The following GYS2 variants were observed in gnomAD, a reference collection of about 807,000 sequenced individuals.
The protein encoded by GYS2 is glycogen [starch] synthase, liver.
In GYS2, 80 loss-of-function variants were observed where a neutral mutation model predicts 85.6. That is an observed-to-expected ratio of 0.93 (90% CI 0.78 to 1.13). The LOEUF (loss-of-function observed/expected upper bound fraction) is 1.13, where lower values mean the gene tolerates loss of function less well. Ranked by LOEUF, GYS2 falls within the 50% of genes most tolerant of loss-of-function variation. The pLI is 0.00. For missense variants in GYS2, 881 were observed against 854.9 expected, an observed-to-expected ratio of 1.03 and a Z score of -0.38; for synonymous variants, 328 against 300.7, an observed-to-expected ratio of 1.09 and a Z score of -0.94.
In GYS2 at chr12:21,574,265, A is replaced by G; in HGVS notation, c.557T>C (p.Ile186Thr). The G allele has an allele frequency of 1.9e-6, 3 of 1,613,914 alleles. No homozygotes were observed. Among genetic ancestry groups the G allele is most frequent in the Non-Finnish European group, 2.5e-6 (3 of 1,179,788 alleles). The part of the protein sequence containing the change: ...VAQFHEWQAG[I>T]GLILSRARKL... Reference sequence around the variant, plus strand: ...CCTGGCTCGAGAAAGGATCAGTCCAATTCCAGCCTGCCATTCATGGAATTG... The same window carrying G: ...CCTGGCTCGAGAAAGGATCAGTCCAGTTCCAGCCTGCCATTCATGGAATTG... The change falls in exon 4 of 16, where the codon ATT becomes ACT. Residue 186 changes from isoleucine to threonine, a missense_variant. By Grantham distance (89) the Ile-to-Thr change is moderately conservative (BLOSUM62 -1). Transcript: ENST00000261195.
At chr12:21,591,476 T>C (rs1302279297) in intron 1 of GYS2, among the ~76,000 whole-genome samples, 1 of 151,862 alleles carries the variant, frequency 6.6e-6, no homozygotes, top group Non-Finnish European at 1.5e-5. Flanking sequence ...ATGAACAAAG[T>C]GTATGTGACA....
At chr12:21,550,989 C>G (rs190260015) in intron 11 of GYS2, among the ~76,000 whole-genome samples, 3 of 141,794 alleles carry the variant, frequency 2.1e-5, no homozygotes, top group African/African-American at 7.8e-5. Context: ...TACACAAGCA[C>G]TCTACACTTT....
intron 11 of GYS2, among the ~76,000 whole-genome samples, chr12:21,557,759 C>T (rs1591788509): frequency 2.0e-5 from 3 of 152,022 alleles, no homozygotes; most frequent in East Asian, 1.9e-4. Flanking sequence ...ATTAGCCGGG[C>T]ATGGTTGCGG....
chr12:21,569,881 G>A lies in GYS2; in HGVS notation c.679-872C>T, dbSNP rs939519810. ...ACACATATTTTGCCTTCATTTTATG[G>A]AGAAGGAAATTGAACCTTTTAGAGG... On this transcript the variant is annotated intron_variant, in intron 4 of 15. Coordinates refer to ENST00000261195, the MANE Select transcript of GYS2 (RefSeq NM_021957.4). 6.6e-5 allele frequency among the ~76,000 whole-genome samples: 10 copies of A among 152,212 alleles called. 1 individual carries two copies. Among genetic ancestry groups the A allele is most frequent in the Middle Eastern group, 6.8e-3 (2 of 294 alleles).
intron 2 of GYS2, among the ~76,000 whole-genome samples, chr12:21,578,999 C>G (rs1944477521): frequency 6.6e-6 from 1 of 152,000 alleles, no homozygotes; most frequent in Non-Finnish European, 1.5e-5. Flanking sequence ...TTTTTTCTTA[C>G]CACGTATTTA....
In GYS2 at chr12:21,567,600, G is replaced by A. The variant is rs564294582; in HGVS notation, c.823+1265C>T. ...TACACATTCTGCTATCTGAAAGAAG[G>A]ACAACTAGAGACAAGACCACAGAAA... On this transcript the variant is annotated intron_variant, in intron 5 of 15. Coordinates refer to ENST00000261195, the MANE Select transcript of GYS2 (RefSeq NM_021957.4). Among the ~76,000 whole-genome samples the A allele has an allele frequency of 2.0e-5, 3 of 150,952 alleles. No individual in the cohort carries two copies. In the South Asian group the frequency reaches 6.3e-4, roughly 32 times the overall value.
intron 1 of GYS2, among the ~76,000 whole-genome samples, chr12:21,601,138 G>A (rs1944751857): frequency 6.6e-6 from 1 of 152,074 alleles, no homozygotes; most frequent in Non-Finnish European, 1.5e-5. Context: ...CTGAGCAAGT[G>A]TGTGCAGAAG....
In GYS2 at chr12:21,563,274, T is replaced by C; in HGVS notation, c.895A>G (p.Met299Val). ...AVHEFQNLHA[M>V]YKARIQDFVR... ...AAATCTTGGATTCTGGCCTTGTACA[T>C]GGCATGTAGATTTTGAAACTCATGC... The change falls in exon 6 of 16, where the codon ATG (methionine) becomes GTG (valine). Residue 299 changes from methionine (M) to valine (V), a missense_variant. Coordinates refer to ENST00000261195, the MANE Select transcript of GYS2 (RefSeq NM_021957.4). 3.7e-6 allele frequency: 6 copies of C among 1,612,454 alleles called. No individual in the cohort carries two copies. Among genetic ancestry groups the C allele is most frequent in the Non-Finnish European group, 5.1e-6 (6 of 1,178,518 alleles).
downstream of GYS2, chr12:21,536,062 T>A (rs1405550277): frequency 6.6e-6 from 1 of 152,184 alleles, no homozygotes; most frequent in Non-Finnish European, 1.5e-5. Flanking sequence ...CCACATGTTA[T>A]TCGAATGTCT....
intron 1 of GYS2, among the ~76,000 whole-genome samples, chr12:21,594,736 G>A (rs1226769292): frequency 6.6e-6 from 1 of 152,046 alleles, no homozygotes; most frequent in Non-Finnish European, 1.5e-5. Flanking sequence ...CACAGAAATG[G>A]AAAAACCAAT....
chr12:21,546,422 T>G lies in GYS2; in HGVS notation c.1471A>C (p.Met491Leu). 1 of 1,595,246 alleles carries G rather than the reference T, an allele frequency of 6.3e-7. No individual in the cohort carries two copies. The highest frequency in any genetic ancestry group is 1.1e-5 in the South Asian group (1 of 90,508). The part of the protein sequence containing the change: ...FLSSTSPLLP[M>L]DYEEFVRGCH... ...CCTCTAACAAACTCTTCATAGTCCA[T>G]GGGTAGTAAGGGACTGGTGGAGGAT... is the stretch of plus-strand genomic sequence containing the variant. Residue 491 changes from methionine to leucine, a missense_variant, in exon 12 of 16, where the codon ATG (methionine) becomes CTG (leucine). Coordinates refer to ENST00000261195, the MANE Select transcript of GYS2 (RefSeq NM_021957.4).
At chr12:21,540,638 T>C in intron 13 of GYS2, 65 bp from the exon 14 acceptor site, 2 of 1,381,114 alleles carry the variant, frequency 1.4e-6, no homozygotes, top group East Asian at 2.3e-5. Flanking sequence ...TGTTCTCCTG[T>C]GATTTACTAA....
At chr12:21,597,251 A>G (rs1014622424) in intron 1 of GYS2, among the ~76,000 whole-genome samples, 3 of 152,126 alleles carry the variant, frequency 2.0e-5, no homozygotes, top group Non-Finnish European at 4.4e-5. Context: ...AAAGGAAACA[A>G]TCAACACAGT....
intron 12 of GYS2, among the ~76,000 whole-genome samples, chr12:21,544,733 A>G (rs762422031): frequency 6.6e-6 from 1 of 152,224 alleles, no homozygotes; most frequent in Non-Finnish European, 1.5e-5. Flanking sequence ...TGCAAGAGAG[A>G]TACCCGGAAG....
chr12:21,601,292 C>T (rs897563520), intron 1 of GYS2, among the ~76,000 whole-genome samples: 1 of 152,006 alleles, frequency 6.6e-6, no homozygotes, highest in Non-Finnish European at 1.5e-5. Flanking sequence ...TCTTCCAAAA[C>T]ATACCTGACT....
chr12:21,576,156 T>G, intron 2 of GYS2, 99 bp from the exon 3 acceptor site: 4 of 922,424 alleles, frequency 4.3e-6, no homozygotes, highest in Non-Finnish European at 7.0e-6. Context: ...TAGTACTCAA[T>G]AGCAAATTAA....
intron 4 of GYS2, among the ~76,000 whole-genome samples, chr12:21,572,725 T>C (rs1944400950): frequency 2.0e-5 from 3 of 152,194 alleles, no homozygotes; most frequent in Non-Finnish European, 4.4e-5. Context: ...AAGGGTAAAA[T>C]TGTAATATAT....
At chr12:21,568,144 T>C (rs1212841503) in intron 5 of GYS2, among the ~76,000 whole-genome samples, 1 of 152,140 alleles carries the variant, frequency 6.6e-6, no homozygotes, top group Non-Finnish European at 1.5e-5. Flanking sequence ...CTGTTTTTGC[T>C]TCTTATAACA....
In GYS2 at chr12:21,562,933, T is replaced by C; in HGVS notation, c.1047A>G (p.Leu349=). 6.2e-7 allele frequency: 1 copy of C among 1,611,676 alleles called. No homozygotes were observed. Among genetic ancestry groups the C allele is most frequent in the Non-Finnish European group, 8.5e-7 (1 of 1,177,850 alleles). Reference sequence around the variant, plus strand: ...GCTTTCTTACCCTCAGCAGGAAATTTAGCCTGGATAAGGATTCTAGGAAGA... The same window carrying C: ...GCTTTCTTACCCTCAGCAGGAAATTCAGCCTGGATAAGGATTCTAGGAAGA... ...ADIFLESLSR[L]NFLLRMHKSD... Residue 349 remains leucine (L), a synonymous_variant, in exon 7 of 16, where the codon CTA becomes CTG. Coordinates refer to ENST00000261195, the MANE Select transcript of GYS2 (RefSeq NM_021957.4).
Sources: allele counts gnomAD v4.1 joint callset (sites outside exome capture counted in the v4.1 genomes callset), GRCh38; gene constraint gnomAD v4.1.1; transcripts MANE v1.5; gene names NCBI Gene and HGNC (gene_info 2026-07-23, HGNC 2026-07-21).